Variants in ADAMTS16 observed in about 807,000 individuals in gnomAD.
The protein encoded by ADAMTS16 is A disintegrin and metalloproteinase with thrombospondin motifs 16.
Under a neutral mutation model 145.8 loss-of-function variants are expected in ADAMTS16, and 94 were observed. That is an observed-to-expected ratio of 0.64 (90% CI 0.55 to 0.77). The LOEUF (loss-of-function observed/expected upper bound fraction) is 0.77. Among genes scored for constraint, ADAMTS16 ranks in the 30% least tolerant of loss-of-function variants. The pLI, the probability that ADAMTS16 is intolerant of heterozygous loss-of-function variation, is 0.00. For synonymous variants in ADAMTS16, 659 were observed against 604.3 expected, an observed-to-expected ratio of 1.09 and a Z score of -1.33; for missense variants, 1,585 against 1,591.5, an observed-to-expected ratio of 1.00 and a Z score of 0.07.
intron 14 of ADAMTS16, among the ~76,000 whole-genome samples, chr5:5,238,670 C>T (rs1430775119): frequency 1.3e-5 from 2 of 152,074 alleles, no homozygotes; most frequent in Non-Finnish European, 2.9e-5. Context: ...TTAAAGAGCT[C>T]CTAAAATTCT....
intron 18 of ADAMTS16, among the ~76,000 whole-genome samples, chr5:5,286,596 C>T (rs539152543): frequency 3.3e-5 from 5 of 152,210 alleles, no homozygotes; most frequent in South Asian, 2.1e-4. Flanking sequence ...AGGTGGCTCA[C>T]GCCTGTAATC....
At chr5:5,229,267 C>T (rs1370786270) in intron 11 of ADAMTS16, among the ~76,000 whole-genome samples, 16 of 137,724 alleles carry the variant, frequency 1.2e-4, no homozygotes, top group African/African-American at 3.7e-4. Flanking sequence ...CACTGCAGTC[C>T]GCAGTCCGGC....
In ADAMTS16 at chr5:5,156,498, G is replaced by A. The variant is rs183019010; in HGVS notation, c.501+10043G>A. On this transcript the variant is annotated intron_variant, in intron 3 of 22. Coordinates refer to ENST00000274181, the MANE Select transcript of ADAMTS16 (RefSeq NM_139056.4). ...AATATTCCAGCCTTATATAGGGAAA[G>A]GAATGGGCTAACTAAACCTTGCTAG... Among the ~76,000 whole-genome samples the A allele has an allele frequency of 3.5e-4, 54 of 152,320 alleles. No individual in the cohort carries two copies. In the East Asian group the frequency reaches 7.4e-3, roughly 21 times the overall value.
intron 4 of ADAMTS16, among the ~76,000 whole-genome samples, chr5:5,185,503 G>T (rs977623827): frequency 6.6e-6 from 1 of 152,154 alleles, no homozygotes; most frequent in African/African-American, 2.4e-5. Context: ...GTACTTTCTA[G>T]GAAATTAAGC....
In ADAMTS16 at chr5:5,319,913, C is replaced by T. The variant is rs1318625960; in HGVS notation, c.*775C>T. ...TTGCAAGTGAGTGTCCTTTTAAAAA[C>T]ACACTTCTTCATGCTTTTCTTTGTA... On this transcript the variant is annotated 3_prime_UTR_variant, in exon 23 of 23. Coordinates refer to ENST00000274181, the MANE Select transcript of ADAMTS16 (RefSeq NM_139056.4). 1 of 455,522 alleles carries T rather than the reference C, an allele frequency of 2.2e-6. No homozygotes were observed. The highest frequency in any genetic ancestry group is 2.3e-5 in the Admixed American group (1 of 42,562). The allele number at this position is 455,522 out of a possible 1,614,324, so 28.2% of individuals were successfully genotyped here. A position where few individuals can be genotyped will look rare whatever the true frequency, so the allele number is the denominator to read the frequency against.
At chr5:5,237,526 G>T (rs1737144828) in intron 14 of ADAMTS16, among the ~76,000 whole-genome samples, 1 of 152,166 alleles carries the variant, frequency 6.6e-6, no homozygotes, top group South Asian at 2.1e-4. Flanking sequence ...TGTGGGAAGG[G>T]TTGGGGTAAG....
chr5:5,190,089 T>A lies in ADAMTS16; in HGVS notation c.1166T>A (p.Leu389Gln), dbSNP rs1461697518. The part of the protein sequence containing the change: ...RHDHAILLTG[L>Q]DICSWKNEPC... The stretch of plus-strand genomic sequence containing the variant: ...GACCACGCCATCTTACTGACTGGTC[T>A]GGATATATGTTCCTGGAAGAATGAG... The change falls in exon 7 of 23, where the codon CTG (leucine) becomes CAG (glutamine). Residue 389 changes from leucine to glutamine, a missense_variant. Leu to Gln is a moderately radical substitution (Grantham distance 113). Coordinates refer to ENST00000274181, the MANE Select transcript of ADAMTS16 (RefSeq NM_139056.4). The A allele has an allele frequency of 6.8e-6, 11 of 1,608,776 alleles. No individual in the cohort carries two copies. Among genetic ancestry groups the A allele is most frequent in the Non-Finnish European group, 2.5e-6 (3 of 1,177,700 alleles).
Position 5,232,533 on chromosome 5 carries a change from C to T in ADAMTS16, c.1850+17C>T, listed in dbSNP as rs1274739597. 6.2e-7 allele frequency: 1 copy of T among 1,610,740 alleles called. No homozygotes were observed. Among genetic ancestry groups the T allele is most frequent in the Non-Finnish European group, 8.5e-7 (1 of 1,179,584 alleles). On this transcript the variant is annotated intron_variant, in intron 12 of 22. Coordinates refer to ENST00000274181, the MANE Select transcript of ADAMTS16 (RefSeq NM_139056.4). ...CAACCCCAAGTAAGTATGCCTTGACCTCCTTCCTCACAAACGACTGATTTC... is the reference window on the plus strand; with the variant it reads ...CAACCCCAAGTAAGTATGCCTTGACTTCCTTCCTCACAAACGACTGATTTC...
intron 9 of ADAMTS16, among the ~76,000 whole-genome samples, chr5:5,206,240 C>A (rs56109169): frequency 0.45 from 65,894 of 146,286 alleles, 15,660 homozygotes; most frequent in East Asian, 0.74. Context: ...TCCCGGCTAA[C>A]ACGGTGAAAC....
chr5:5,163,175 A>T (rs886286954), intron 3 of ADAMTS16, among the ~76,000 whole-genome samples: 1 of 152,232 alleles, frequency 6.6e-6, no homozygotes, highest in African/African-American at 2.4e-5. Flanking sequence ...AAAATATGTA[A>T]CTTGCCAGGA....
chr5:5,286,156 C>A (rs1433262329), intron 18 of ADAMTS16, among the ~76,000 whole-genome samples: 2 of 152,182 alleles, frequency 1.3e-5, no homozygotes, highest in Non-Finnish European at 2.9e-5. Context: ...TCTTTAAATA[C>A]AGCCTTTCTC....
In ADAMTS16 at chr5:5,283,239, C is replaced by T. The variant is rs115814464; in HGVS notation, c.2790-20029C>T. On this transcript the variant is annotated intron_variant, in intron 18 of 22. Coordinates refer to ENST00000274181, the MANE Select transcript of ADAMTS16 (RefSeq NM_139056.4). ...CTGCATTTTCACAATTAAGTGCTGG[C>T]TCTTATTTGATATGTATCACATATT... Among the ~76,000 whole-genome samples, 347 of 152,152 alleles carry T rather than the reference C, an allele frequency of 2.3e-3. 1 individual carries two copies. The highest frequency in any genetic ancestry group is 7.7e-3 in the African/African-American group (319 of 41,512).
At chr5:5,207,825 A>G (rs1229034552) in intron 9 of ADAMTS16, among the ~76,000 whole-genome samples, 1 of 151,980 alleles carries the variant, frequency 6.6e-6, no homozygotes, top group African/African-American at 2.4e-5. Context: ...AATAGATTAC[A>G]TTAATTGACT....
chr5:5,300,442 A>G (rs1365890813), intron 18 of ADAMTS16, among the ~76,000 whole-genome samples: 1 of 152,196 alleles, frequency 6.6e-6, no homozygotes, highest in Non-Finnish European at 1.5e-5. Context: ...GCATTACCAC[A>G]ATCCATATAG....
At chr5:5,260,310 G>A (rs1236937589) in intron 17 of ADAMTS16, among the ~76,000 whole-genome samples, 8 of 152,228 alleles carry the variant, frequency 5.3e-5, no homozygotes, top group African/African-American at 1.9e-4. Flanking sequence ...CATTTCCAGA[G>A]TTTAAATCTT....
chr5:5,152,707 C>G (rs143270885), intron 3 of ADAMTS16, among the ~76,000 whole-genome samples: 236 of 152,302 alleles, frequency 1.5e-3, no homozygotes, highest in African/African-American at 5.3e-3. Flanking sequence ...CAAACACTAC[C>G]AAATTTCACT....
At chr5:5,149,126 G>A (rs1000517566) in intron 3 of ADAMTS16, among the ~76,000 whole-genome samples, 1 of 152,120 alleles carries the variant, frequency 6.6e-6, no homozygotes, top group African/African-American at 2.4e-5. Context: ...TTAAACCCAA[G>A]TATAATATAT....
At position 5,140,509 on chromosome 5, in the gene ADAMTS16, G is replaced by A. The variant is rs768876844; in HGVS notation, c.42G>A (p.Leu14=). Reference sequence around the variant, plus strand: ...GCGGATGGCGGGGCTTGGCGGCGCTGTGGATGCTGTTGGCGCAGGTGGCCG... The same window carrying A: ...GCGGATGGCGGGGCTTGGCGGCGCTATGGATGCTGTTGGCGCAGGTGGCCG... ...RARGWRGLAA[L]WMLLAQVAEQ... is the part of the protein sequence containing the mutation. The change falls in exon 1 of 23, where the codon CTG becomes CTA. Residue 14 remains leucine, a synonymous_variant. Coordinates refer to ENST00000274181, the MANE Select transcript of ADAMTS16 (RefSeq NM_139056.4). The A allele has an allele frequency of 2.0e-6, 3 of 1,519,654 alleles. No homozygotes were observed. Among genetic ancestry groups the A allele is most frequent in the Middle Eastern group, 2.3e-4 (1 of 4,364 alleles). The allele number at this position is 1,519,654 out of a possible 1,614,324, so 94.1% of individuals were successfully genotyped here. A position where few individuals can be genotyped will look rare whatever the true frequency, so the allele number is the denominator to read the frequency against.
At chr5:5,274,263 C>T (rs1738597428) in intron 18 of ADAMTS16, among the ~76,000 whole-genome samples, 1 of 152,150 alleles carries the variant, frequency 6.6e-6, no homozygotes, top group African/African-American at 2.4e-5. Context: ...GTCATACATG[C>T]TGTGGGTCTG....
Sources: allele counts gnomAD v4.1 joint callset (sites outside exome capture counted in the v4.1 genomes callset), GRCh38; gene constraint gnomAD v4.1.1; transcripts MANE v1.5; gene names NCBI Gene and HGNC (gene_info 2026-07-23, HGNC 2026-07-21).